Variants in SIK2 observed in about 807,000 individuals in gnomAD.
The protein encoded by SIK2 is salt inducible kinase 2.
A neutral mutation model predicts 103.2 loss-of-function variants in SIK2; 29 were observed. That is an observed-to-expected ratio of 0.28 (90% CI 0.21 to 0.38). The LOEUF is 0.38. SIK2 is among the 10% of genes least tolerant of loss of function. The pLI, the probability that SIK2 is intolerant of heterozygous loss-of-function variation, is 1.00. For synonymous variants in SIK2, 412 were observed against 446.1 expected (o/e 0.92, Z 0.96); for missense variants, 879 against 1,171.0 (o/e 0.75, Z 3.64).
chr11:111,616,504 A>C (rs1463686987), intron 2 of SIK2, 145 bp downstream of exon 2: 4 of 593,676 alleles, frequency 6.7e-6, no homozygotes, highest in East Asian at 5.5e-5. Flanking sequence ...CCATTTTTCT[A>C]TATTGTCTTT....
intron 3 of SIK2, among the ~76,000 whole-genome samples, chr11:111,637,673 GCT>G (rs1942128335): frequency 6.6e-6 from 1 of 151,838 alleles, no homozygotes; most frequent in Non-Finnish European, 1.5e-5. Context: ...TGTTGACCAG[GCT>G]GGTCTCAAAC....
intron 3 of SIK2, among the ~76,000 whole-genome samples, chr11:111,636,393 C>A (rs552497140): frequency 2.6e-5 from 4 of 152,280 alleles, no homozygotes; most frequent in Non-Finnish European, 2.9e-5. Context: ...TCTTTTATTT[C>A]TATCAGAGCA....
intron 3 of SIK2, among the ~76,000 whole-genome samples, chr11:111,660,035 GA>G (rs1171718655): frequency 2.0e-5 from 3 of 152,186 alleles, no homozygotes; most frequent in Non-Finnish European, 4.4e-5. Flanking sequence ...TTAGGCGTGA[GA>G]AAACATTTTC....
intron 9 of SIK2, among the ~76,000 whole-genome samples, chr11:111,715,389 C>A (rs956178320): frequency 6.6e-6 from 1 of 152,192 alleles, no homozygotes; most frequent in Non-Finnish European, 1.5e-5. Context: ...CTGTAACACC[C>A]ATTTGTTGTT....
At chr11:111,614,509 A>G (rs1166397939) in intron 1 of SIK2, among the ~76,000 whole-genome samples, 1 of 152,246 alleles carries the variant, frequency 6.6e-6, no homozygotes, top group Non-Finnish European at 1.5e-5. Context: ...TAATAAAGTA[A>G]ACTAGGGAAA....
intron 3 of SIK2, among the ~76,000 whole-genome samples, chr11:111,659,829 T>C (rs1299800281): frequency 4.6e-5 from 7 of 152,188 alleles, no homozygotes; most frequent in Admixed American, 3.9e-4. Context: ...TATTATCTCC[T>C]GTAACAGGAA....
rs141114587 is a variant in SIK2 at position 111,617,861 on chromosome 11, TACAC to T, written c.252+1518_252+1521del. Among the ~76,000 whole-genome samples the T allele has an allele frequency of 6.1e-5, 9 of 148,250 alleles. No homozygotes were observed. In the Middle Eastern group the frequency reaches 0.01, roughly 168 times the overall value. On this transcript the variant is annotated intron_variant, in intron 2 of 14. Transcript: ENST00000304987. ...GTATGTGTGTGTGTGTATATATATA[TACAC>T]ACACACACACACACATATATTTGGC...
At chr11:111,684,921 A>C (rs1430701689) in intron 3 of SIK2, among the ~76,000 whole-genome samples, 2 of 152,242 alleles carry the variant, frequency 1.3e-5, no homozygotes, top group Non-Finnish European at 2.9e-5. Context: ...GCCCACTTAC[A>C]TTTAAAGCCT....
rs907780391 is a variant in SIK2 at position 111,651,604 on chromosome 11, C to G, written c.316+31202C>G. On this transcript the variant is annotated intron_variant, in intron 3 of 14. Transcript: ENST00000304987. Reference sequence around the variant, plus strand: ...AGGGCTTAATACCTAGGTGATGAGTCGGTAGGTGTGGCAAACCACCATGGC... The same window carrying G: ...AGGGCTTAATACCTAGGTGATGAGTGGGTAGGTGTGGCAAACCACCATGGC... 2.0e-5 allele frequency among the ~76,000 whole-genome samples: 3 copies of G among 152,214 alleles called. No individual in the cohort carries two copies. In the East Asian group the frequency reaches 5.8e-4, roughly 29 times the overall value.
rs150400059 is a variant in SIK2, at chr11:111,722,159, C to T, written c.2055+219C>T. Among the ~76,000 whole-genome samples the T allele has an allele frequency of 4.7e-4, 72 of 152,256 alleles. No homozygotes were observed. Among genetic ancestry groups the T allele is most frequent in the African/African-American group, 1.7e-3 (71 of 41,546 alleles). ...GGAAAGGCTTTGTCCTCAAGCCCCACGAAAGGATATGCCACTGAGGGGTGG... is the reference window on the plus strand; with the variant it reads ...GGAAAGGCTTTGTCCTCAAGCCCCATGAAAGGATATGCCACTGAGGGGTGG... On this transcript the variant is annotated intron_variant, in intron 13 of 14. Coordinates refer to ENST00000304987, the MANE Select transcript of SIK2 (RefSeq NM_015191.3). The surrounding 1 kb of genome is among the most constrained non-coding windows in gnomAD (Gnocchi z 4.4).
In SIK2 at chr11:111,712,348, G is replaced by A; in HGVS notation, c.1239G>A (p.Met413Ile). 6.2e-7 allele frequency: 1 copy of A among 1,614,164 alleles called. No individual in the cohort carries two copies. ...ASGCQAEAAF[M>I]EEECVDTPKV... Reference sequence around the variant, plus strand: ...GCTGTCAGGCGGAAGCTGCATTCATGGAAGAAGAGTGTGTGGACACTCCAA... The same window carrying A: ...GCTGTCAGGCGGAAGCTGCATTCATAGAAGAAGAGTGTGTGGACACTCCAA... The change falls in exon 9 of 15, where the codon ATG (methionine) becomes ATA (isoleucine). Residue 413 changes from methionine (M) to isoleucine (I), a missense_variant. Transcript: ENST00000304987.
chr11:111,715,733 C>A (rs143058336), intron 9 of SIK2, among the ~76,000 whole-genome samples: 2 of 148,854 alleles, frequency 1.3e-5, no homozygotes, highest in Admixed American at 6.7e-5. Flanking sequence ...CTTCAAGTAT[C>A]TCTTTTTAAT....
intron 2 of SIK2, among the ~76,000 whole-genome samples, chr11:111,617,482 G>A (rs540540940): frequency 1.6e-4 from 25 of 152,282 alleles, no homozygotes; most frequent in African/African-American, 5.1e-4. Flanking sequence ...GTACCGGCTC[G>A]TTGAGAGCTG....
At chr11:111,675,832 A>G (rs1418609461) in intron 3 of SIK2, among the ~76,000 whole-genome samples, 1 of 152,152 alleles carries the variant, frequency 6.6e-6, no homozygotes, top group Non-Finnish European at 1.5e-5. Flanking sequence ...GGGTTTGGAT[A>G]TACAAATTAT....
At chr11:111,666,305 G>A (rs1942540832) in intron 3 of SIK2, among the ~76,000 whole-genome samples, 1 of 152,094 alleles carries the variant, frequency 6.6e-6, no homozygotes, top group Non-Finnish European at 1.5e-5. Context: ...TAAGGGTATG[G>A]TATTGCTTCT....
At chr11:111,692,051 GAGAA>G (rs1260408111) in intron 4 of SIK2, among the ~76,000 whole-genome samples, 1 of 152,046 alleles carries the variant, frequency 6.6e-6, no homozygotes, top group Non-Finnish European at 1.5e-5. Flanking sequence ...CGGGGAGACA[GAGAA>G]AGAAAGAGGG....
At chr11:111,620,505 A>G (rs748854594) in intron 3 of SIK2, 103 bp downstream of exon 3, 112 of 700,620 alleles carry the variant, frequency 1.6e-4, no homozygotes, top group Non-Finnish European at 2.5e-4. Context: ...TGTTGGTAAT[A>G]TAAGTGAAAA....
chr11:111,614,877 G>A (rs1303745094), intron 1 of SIK2, among the ~76,000 whole-genome samples: 2 of 152,098 alleles, frequency 1.3e-5, no homozygotes, highest in African/African-American at 2.4e-5. Flanking sequence ...AGTGGCTCAC[G>A]CCTGAAATCC....
chr11:111,623,769 C>T (rs1941925289), intron 3 of SIK2, among the ~76,000 whole-genome samples: 1 of 152,218 alleles, frequency 6.6e-6, no homozygotes, highest in Non-Finnish European at 1.5e-5. Context: ...ACACGTGAGC[C>T]AATCAGCACT....
Sources: gnomAD v4.1 joint callset for allele counts (sites outside exome capture counted in the v4.1 genomes callset) on GRCh38, gnomAD v4.1.1 for gene constraint, Gnocchi (gnomAD v3.1) non-coding constraint, MANE v1.5 for transcripts, NCBI Gene and HGNC (gene_info 2026-07-23, HGNC 2026-07-21) for gene names.